Variants in THSD7B observed in about 807,000 individuals in gnomAD.
THSD7B encodes thrombospondin type 1 domain containing 7B.
Under a neutral mutation model 213.6 loss-of-function variants are expected in THSD7B, and 138 were observed. The observed-to-expected ratio is 0.65, with a 90% CI of 0.56 to 0.74. The LOEUF is 0.74. Among genes scored for constraint, THSD7B ranks in the 30% least tolerant of loss-of-function variants. The pLI is 0.00. For synonymous variants in THSD7B, 742 were observed against 687.0 expected (o/e 1.08, Z -1.25); for missense variants, 1,931 against 1,991.5 (o/e 0.97, Z 0.58).
At chr2:137,038,934 G>GT (rs113615421) in intron 2 of THSD7B, among the ~76,000 whole-genome samples, 10,802 of 151,994 alleles carry the variant, frequency 0.071, 777 homozygotes, top group East Asian at 0.22. Flanking sequence ...AAGTCTAGAG[G>GT]TTTTTTTTCT....
intron 1 of THSD7B, among the ~76,000 whole-genome samples, chr2:136,766,099 A>C (rs1289079726): frequency 2.0e-5 from 3 of 152,170 alleles, no homozygotes; most frequent in Non-Finnish European, 4.4e-5. Context: ...CTGCGCGGAG[A>C]GCCTCGGCGC....
At chr2:137,154,969 G>C (rs1679886739) in intron 5 of THSD7B, among the ~76,000 whole-genome samples, 1 of 152,106 alleles carries the variant, frequency 6.6e-6, no homozygotes, top group Admixed American at 6.6e-5. Flanking sequence ...GCAATCATTA[G>C]TAGCAGACTT....
intron 10 of THSD7B, 133 bp downstream of exon 10, chr2:137,242,705 G>C: frequency 1.6e-6 from 1 of 625,300 alleles, no homozygotes; most frequent in East Asian, 2.9e-5. Flanking sequence ...AAACAAGTTT[G>C]GTAAAGTTTG....
At chr2:137,421,128 CTG>C (rs1200850342) in intron 14 of THSD7B, among the ~76,000 whole-genome samples, 3 of 152,172 alleles carry the variant, frequency 2.0e-5, no homozygotes, top group Admixed American at 2.0e-4. Flanking sequence ...AACACGCTGA[CTG>C]TGTTTTTCCT....
At chr2:136,951,512 C>T (rs982286059) in intron 2 of THSD7B, among the ~76,000 whole-genome samples, 2 of 152,158 alleles carry the variant, frequency 1.3e-5, no homozygotes, top group African/African-American at 4.8e-5. Flanking sequence ...AAATGTCTAG[C>T]TTATTCTGCA....
intron 4 of THSD7B, among the ~76,000 whole-genome samples, chr2:137,110,453 G>A (rs1341467520): frequency 6.6e-6 from 1 of 152,112 alleles, no homozygotes; most frequent in Non-Finnish European, 1.5e-5. Context: ...TATTCTTCCT[G>A]TGCATCCAGT....
At chr2:136,983,179 T>C (rs1194495730) in intron 2 of THSD7B, among the ~76,000 whole-genome samples, 1 of 152,068 alleles carries the variant, frequency 6.6e-6, no homozygotes, top group Non-Finnish European at 1.5e-5. Context: ...ATAGTGAAAA[T>C]AACCATCTTG....
intron 10 of THSD7B, among the ~76,000 whole-genome samples, chr2:137,265,579 T>G (rs78201326): frequency 0.027 from 4,109 of 152,224 alleles, 109 homozygotes; most frequent in Middle Eastern, 0.095. Context: ...CAGCCTTCTT[T>G]GAATGTTTGA....
intron 4 of THSD7B, among the ~76,000 whole-genome samples, chr2:137,097,446 A>G (rs1230993909): frequency 6.6e-6 from 1 of 152,178 alleles, no homozygotes; most frequent in African/African-American, 2.4e-5. Context: ...AAAGGGATGT[A>G]AATTGGCATT....
intron 15 of THSD7B, among the ~76,000 whole-genome samples, chr2:137,474,174 C>T: frequency 6.6e-6 from 1 of 152,078 alleles, no homozygotes; most frequent in East Asian, 1.9e-4. Flanking sequence ...ATTTATAATT[C>T]CTCTATGTAA....
intron 1 of THSD7B, among the ~76,000 whole-genome samples, chr2:136,821,014 A>G (rs1050749506): frequency 9.9e-5 from 15 of 152,216 alleles, no homozygotes; most frequent in Non-Finnish European, 1.9e-4. Context: ...TTGCAAGAAT[A>G]ATATTAGGTA....
chr2:137,390,149 C>T (rs956124923), intron 12 of THSD7B, among the ~76,000 whole-genome samples: 27 of 152,100 alleles, frequency 1.8e-4, no homozygotes, highest in Admixed American at 2.6e-4. Flanking sequence ...GTAGTGTGGT[C>T]GTTCTTACAA....
intron 2 of THSD7B, among the ~76,000 whole-genome samples, chr2:137,025,628 C>T (rs889043923): frequency 1.3e-5 from 2 of 152,100 alleles, no homozygotes; most frequent in Non-Finnish European, 2.9e-5. Flanking sequence ...CATCTTGTGG[C>T]TCTGCTATTC....
At chr2:136,847,519 T>C (rs531547979) in intron 1 of THSD7B, among the ~76,000 whole-genome samples, 53 of 152,288 alleles carry the variant, frequency 3.5e-4, no homozygotes, top group African/African-American at 1.3e-3. Context: ...AAGTCCTTAG[T>C]GCCCAGTTTA....
intron 14 of THSD7B, among the ~76,000 whole-genome samples, chr2:137,414,338 A>T (rs1283630963): frequency 6.6e-6 from 1 of 151,816 alleles, no homozygotes; most frequent in Non-Finnish European, 1.5e-5. Flanking sequence ...TAGGGATATG[A>T]CATATACTTG....
intron 2 of THSD7B, among the ~76,000 whole-genome samples, chr2:136,943,865 T>C (rs1246009095): frequency 6.6e-6 from 1 of 152,184 alleles, no homozygotes; most frequent in African/African-American, 2.4e-5. Context: ...GAAGGGTTTT[T>C]TGTGTCTCTA....
intron 1 of THSD7B, among the ~76,000 whole-genome samples, chr2:136,863,623 G>C (rs550307550): frequency 1.1e-4 from 17 of 152,176 alleles, no homozygotes; most frequent in Admixed American, 4.6e-4. Flanking sequence ...TGAATAGAAA[G>C]CCAATTGGAG....
chr2:137,282,359 G>A (rs1321169463), intron 12 of THSD7B, among the ~76,000 whole-genome samples: 1 of 152,138 alleles, frequency 6.6e-6, no homozygotes, highest in Non-Finnish European at 1.5e-5. Flanking sequence ...TAGGTTGCCT[G>A]TTCACTCTGA....
chr2:136,983,848 C>T (rs2104810003), intron 2 of THSD7B, among the ~76,000 whole-genome samples: 1 of 152,260 alleles, frequency 6.6e-6, no homozygotes, highest in East Asian at 1.9e-4. Flanking sequence ...ACCTGGACTT[C>T]ATGAGAGTGT....
Sources: allele counts gnomAD v4.1 joint callset (sites outside exome capture counted in the v4.1 genomes callset), GRCh38; gene constraint gnomAD v4.1.1; transcripts MANE v1.5; gene names NCBI Gene and HGNC (gene_info 2026-07-23, HGNC 2026-07-21).